The following HOXB7 variants were observed in gnomAD, a reference collection of about 807,000 sequenced individuals.
HOXB7 encodes the protein homeobox protein Hox-B7.
HOXB7 carries 11 observed loss-of-function variants against 19.2 expected under a neutral mutation model. That is an observed-to-expected ratio of 0.57 (90% CI 0.36 to 0.95). The LOEUF is 0.95. HOXB7 is among the 40% of genes least tolerant of loss of function. The pLI is 0.01. For synonymous variants in HOXB7, 141 were observed against 130.2 expected (o/e 1.08, Z -0.56); for missense variants, 318 against 301.1 (o/e 1.06, Z -0.42).
rs751449761 is a variant in HOXB7 at position 48,610,909 on chromosome 17, A to G, written c.10T>C (p.Leu4=). The change falls in exon 1 of 2, where the codon TTG becomes CTG. Residue 4 remains leucine, a synonymous_variant. Coordinates refer to ENST00000239165, the MANE Select transcript of HOXB7 (RefSeq NM_004502.4). ...GAAAATAAAGTATTCGCATAATACA[A>G]TGAACTCATAATTTGGCCGGATGAT... is the stretch of plus-strand genomic sequence containing the variant. MSS[L]YYANTLFSKY... 2 of 1,492,498 alleles carry G rather than the reference A, an allele frequency of 1.3e-6. No homozygotes were observed. Among genetic ancestry groups the G allele is most frequent in the East Asian group, 2.4e-5 (1 of 41,966 alleles). 92.5% of individuals were successfully genotyped at this position (1,492,498 alleles called of 1,614,324 possible). A position where few individuals can be genotyped will look rare whatever the true frequency, so the allele number is the denominator to read the frequency against.
chr17:48,610,524 C>G lies in HOXB7; in HGVS notation c.395G>C (p.Ser132Thr). 6.7e-7 allele frequency: 1 copy of G among 1,493,288 alleles called. No homozygotes were observed. The highest frequency in any genetic ancestry group is 1.3e-5 in the South Asian group (1 of 76,750). 92.5% of individuals were successfully genotyped at this position (1,493,288 alleles called of 1,614,324 possible). ...AGCTCGGTGCGCGGCGTTACCTGAG[C>G]TTCGCATCCAGGGGTAGATCCGGAA... ...SNFRIYPWMR[S>T]SGTDRKRGRQ... Residue 132 changes from serine (S) to threonine (T), a missense_variant, in exon 1 of 2, where the codon AGC becomes ACC. Ser to Thr is a moderately conservative substitution (Grantham distance 58). Transcript: ENST00000239165.
chr17:48,607,997 G>C lies in HOXB7; in HGVS notation c.499C>G (p.Arg167Gly), dbSNP rs767002458. ...HYNRYLTRRR[R>G]IEIAHTLCLT... ...CAGAGCGTGTGCGCGATCTCGATGC[G>C]CCGCCGCCGCGTCAGGTAGCGATTG... Residue 167 changes from arginine (R) to glycine (G), a missense_variant, in exon 2 of 2, where the codon CGC becomes GGC. Coordinates refer to ENST00000239165, the MANE Select transcript of HOXB7 (RefSeq NM_004502.4). 3 of 1,614,140 alleles carry C rather than the reference G, an allele frequency of 1.9e-6. No homozygotes were observed.
At chr17:48,609,406 G>C (rs1453708852) in intron 1 of HOXB7, among the ~76,000 whole-genome samples, 1 of 152,222 alleles carries the variant, frequency 6.6e-6, no homozygotes, top group Non-Finnish European at 1.5e-5. Flanking sequence ...TTAAACTATG[G>C]AGCAGGTAAT....
chr17:48,610,122 G>A (rs966564188), intron 1 of HOXB7, among the ~76,000 whole-genome samples: 1 of 152,180 alleles, frequency 6.6e-6, no homozygotes, highest in African/African-American at 2.4e-5. Flanking sequence ...TAGCTGGGAA[G>A]GGGGGAGAAG....
rs1683603044 is a variant in HOXB7 at position 48,607,762 on chromosome 17, GT to G, written c.*79del. On this transcript the variant is annotated 3_prime_UTR_variant, in exon 2 of 2. Coordinates refer to ENST00000239165, the MANE Select transcript of HOXB7 (RefSeq NM_004502.4). ...TTTTTTACTTCCCTATTCGATTTGA[GT>G]TTCCTGATTCAGTTCCCAGAGCTGG... 3.7e-6 allele frequency: 4 copies of G among 1,070,182 alleles called. No individual in the cohort carries two copies. The South Asian group carries it at 8.0e-5, about 21-fold the overall frequency. 66.3% of individuals were successfully genotyped at this position (1,070,182 alleles called of 1,614,324 possible).
Position 48,610,537 on chromosome 17 carries a change from G to C in HOXB7, c.382C>G (p.Pro128Ala). 8 of 1,514,180 alleles carry C rather than the reference G, an allele frequency of 5.3e-6. No individual in the cohort carries two copies. Among genetic ancestry groups the C allele is most frequent in the Non-Finnish European group, 7.1e-6 (8 of 1,124,892 alleles). 93.8% of individuals were successfully genotyped at this position (1,514,180 alleles called of 1,614,324 possible). A position where few individuals can be genotyped will look rare whatever the true frequency, so the allele number is the denominator to read the frequency against. The part of the protein sequence containing the change: ...LAAESNFRIY[P>A]WMRSSGTDRK... ...GCGTTACCTGAGCTTCGCATCCAGG[G>C]GTAGATCCGGAAGTTACTCTCGGCC... Residue 128 changes from proline to alanine, a missense_variant, in exon 1 of 2, where the codon CCC becomes GCC. Coordinates refer to ENST00000239165, the MANE Select transcript of HOXB7 (RefSeq NM_004502.4).
chr17:48,610,256 T>C (rs1378043893), intron 1 of HOXB7, among the ~76,000 whole-genome samples: 1 of 109,934 alleles, frequency 9.1e-6, no homozygotes, highest in Admixed American at 9.5e-5. Flanking sequence ...AGAGGAAGGG[T>C]GGGGGCGGGC....
chr17:48,607,647 A>T lies in HOXB7; in HGVS notation c.*195T>A. 12 of 531,112 alleles carry T rather than the reference A, an allele frequency of 2.3e-5. No individual in the cohort carries two copies. Among genetic ancestry groups the T allele is most frequent in the Non-Finnish European group, 3.5e-5 (11 of 312,668 alleles). The allele number at this position is 531,112 out of a possible 1,614,324, so 32.9% of individuals were successfully genotyped here. A position where few individuals can be genotyped will look rare whatever the true frequency, so the allele number is the denominator to read the frequency against. On this transcript the variant is annotated 3_prime_UTR_variant, in exon 2 of 2. Coordinates refer to ENST00000239165, the MANE Select transcript of HOXB7 (RefSeq NM_004502.4). ...ATTTTTTCAGTGTTGAAAAACCAAA[A>T]TTTCTCCTTTCTCCCTCCTTAAAAA...
chr17:48,607,806 T>C lies in HOXB7; in HGVS notation c.*36A>G. The C allele has an allele frequency of 1.3e-6, 2 of 1,547,636 alleles. No homozygotes were observed. Among genetic ancestry groups the C allele is most frequent in the Non-Finnish European group, 1.8e-6 (2 of 1,123,926 alleles). ...AGAGCTGGGCTTCTCTTCCTCTCCCTTTCTCATGTCTCTTCCTCTGCCCTT... is the reference window on the plus strand; with the variant it reads ...AGAGCTGGGCTTCTCTTCCTCTCCCCTTCTCATGTCTCTTCCTCTGCCCTT... On this transcript the variant is annotated 3_prime_UTR_variant, in exon 2 of 2. Transcript: ENST00000239165.
In HOXB7 at chr17:48,610,617, G is replaced by A; in HGVS notation, c.302C>T (p.Pro101Leu). ...PFEQNLSGVC[P>L]GDSAKAAGAK... The stretch of plus-strand genomic sequence containing the variant: ...GCCCGCCGCCTTGGCGGAGTCGCCG[G>A]GACACACCCCGGAGAGGTTCTGCTC... The change falls in exon 1 of 2, where the codon CCC (proline) becomes CTC (leucine). Residue 101 changes from proline to leucine, a missense_variant. Physicochemically the swap from Pro to Leu is moderately conservative, Grantham distance 98. Transcript: ENST00000239165. 3.2e-6 allele frequency: 5 copies of A among 1,560,408 alleles called. No individual in the cohort carries two copies. Among genetic ancestry groups the A allele is most frequent in the Non-Finnish European group, 4.3e-6 (5 of 1,152,188 alleles).
intron 1 of HOXB7, among the ~76,000 whole-genome samples, chr17:48,608,714 C>T (rs992437532): frequency 6.6e-6 from 1 of 152,206 alleles, no homozygotes; most frequent in Non-Finnish European, 1.5e-5. Flanking sequence ...AAAGGCTCTG[C>T]ACCTAAGGGG....
At position 48,607,667 on chromosome 17, in the gene HOXB7, TA is replaced by T; in HGVS notation, c.*174del. On this transcript the variant is annotated 3_prime_UTR_variant, in exon 2 of 2. Transcript: ENST00000239165. ...CCAAAATTTCTCCTTTCTCCCTCCT[TA>T]AAAAATGTTTTTAAACTCCTTTCAT... 1.7e-6 allele frequency: 1 copy of T among 599,826 alleles called. No homozygotes were observed. Among genetic ancestry groups the T allele is most frequent in the Non-Finnish European group, 2.7e-6 (1 of 368,952 alleles). 37.2% of individuals were successfully genotyped at this position (599,826 alleles called of 1,614,324 possible). A position where few individuals can be genotyped will look rare whatever the true frequency, so the allele number is the denominator to read the frequency against.
rs918848740 is a variant in HOXB7 at position 48,608,105 on chromosome 17, G to C, written c.401-10C>G. The C allele has an allele frequency of 6.2e-7, 1 of 1,603,112 alleles. No homozygotes were observed. Among genetic ancestry groups the C allele is most frequent in the African/African-American group, 1.3e-5 (1 of 74,642 alleles). On this transcript the variant is annotated splice_polypyrimidine_tract_variant and intron_variant, in intron 1 of 1. Coordinates refer to ENST00000239165, the MANE Select transcript of HOXB7 (RefSeq NM_004502.4). ...CGTTTGCGGTCAGTTCCTGCACACA[G>C]TATTCAGAGGAAAATCAGTGAGTAA...
Position 48,610,591 on chromosome 17 carries a change from C to T in HOXB7, c.328G>A (p.Ala110Thr). Residue 110 changes from alanine to threonine, a missense_variant, in exon 1 of 2, where the codon GCC becomes ACC. Transcript: ENST00000239165. ...AAGTCCGAGTCCCTCTGCTCCTTGG[C>T]GCCCGCCGCCTTGGCGGAGTCGCCG... Reference protein sequence around the residue: ...CPGDSAKAAGAKEQRDSDLAA... With the variant: ...CPGDSAKAAGTKEQRDSDLAA... 2 of 1,550,196 alleles carry T rather than the reference C, an allele frequency of 1.3e-6. No homozygotes were observed. The highest frequency in any genetic ancestry group is 2.4e-5 in the East Asian group (1 of 40,960).
Position 48,607,720 on chromosome 17 carries a change from TTTGTTTTTTG to T in HOXB7, c.*112_*121del. The T allele has an allele frequency of 1.3e-6, 1 of 753,922 alleles. No homozygotes were observed. The highest frequency in any genetic ancestry group is 2.0e-6 in the Non-Finnish European group (1 of 509,012). 46.7% of individuals were successfully genotyped at this position (753,922 alleles called of 1,614,324 possible). ...TAAATAGGGTTTTTTTTTTGTTTTT[TTTGTTTTTTG>T]TTTTGTTTTTTTACTTCCCTATTCG... On this transcript the variant is annotated 3_prime_UTR_variant, in exon 2 of 2. Transcript: ENST00000239165.
At chr17:48,608,318 G>GGAGGCT (rs1462135886) in intron 1 of HOXB7, 1 of 359,302 alleles carries the variant, frequency 2.8e-6, no homozygotes, top group Non-Finnish European at 4.9e-6. Flanking sequence ...CAACTACTCA[G>GGAGGCT]GAGGCTGAGG....
At chr17:48,610,455 A>C in intron 1 of HOXB7, 64 bp downstream of exon 1, 1 of 1,350,616 alleles carries the variant, frequency 7.4e-7, no homozygotes, top group Non-Finnish European at 9.6e-7. Context: ...GCCGGGAAGG[A>C]GGCGCCTTCA....
Position 48,607,402 on chromosome 17 carries a change from C to T in HOXB7, c.*440G>A, listed in dbSNP as rs1016044759. The T allele has an allele frequency of 7.0e-5, 11 of 156,420 alleles. No individual in the cohort carries two copies. The highest frequency in any genetic ancestry group is 9.6e-5 in the African/African-American group (4 of 41,478). The allele number at this position is 156,420 out of a possible 1,614,324, so 9.7% of individuals were successfully genotyped here. A position where few individuals can be genotyped will look rare whatever the true frequency, so the allele number is the denominator to read the frequency against. ...CCCCTTGGTGCCGCTGCTGGGAAGG[C>T]GGAGGCTCAGGAGGGCAGGCAACCA... On this transcript the variant is annotated 3_prime_UTR_variant, in exon 2 of 2. Coordinates refer to ENST00000239165, the MANE Select transcript of HOXB7 (RefSeq NM_004502.4).
intron 1 of HOXB7, among the ~76,000 whole-genome samples, chr17:48,609,619 G>A (rs2070622878): frequency 6.6e-6 from 1 of 152,192 alleles, no homozygotes. Context: ...TCAGCCTCTT[G>A]GGGTTCTGCA....
Sources: allele counts gnomAD v4.1 joint callset (sites outside exome capture counted in the v4.1 genomes callset), GRCh38; gene constraint gnomAD v4.1.1; transcripts MANE v1.5; gene names NCBI Gene and HGNC (gene_info 2026-07-23, HGNC 2026-07-21).